EHBP1: variants seen among roughly 807,000 people sequenced by gnomAD.
EHBP1 encodes the protein EH domain binding protein 1.
EHBP1 carries 55 observed loss-of-function variants against 144.0 expected under a neutral mutation model. The observed-to-expected ratio is 0.38, with a 90% CI of 0.31 to 0.48. EHBP1 has a LOEUF of 0.48. Among genes scored for constraint, EHBP1 ranks in the 20% least tolerant of loss-of-function variants. The probability of loss-of-function intolerance (pLI) is 0.98; values close to 1 mark genes in which losing one functional copy is unlikely to be tolerated. For synonymous variants in EHBP1, 469 were observed against 472.7 expected (o/e 0.99, Z 0.10); for missense variants, 1,200 against 1,364.2 (o/e 0.88, Z 1.90).
At position 62,948,235 on chromosome 2, in the gene EHBP1, T is replaced by C. The variant is rs758228576; in HGVS notation, c.1414-25T>C. On this transcript the variant is annotated intron_variant, in intron 12 of 22. Coordinates refer to ENST00000431489, the MANE Select transcript of EHBP1 (RefSeq NM_001142616.3). ...TGAATTATATGAACTGTTCAATATA[T>C]CTTTTGTTTTTCCTTCCTTTGAAGG... 7 of 1,517,694 alleles carry C rather than the reference T, an allele frequency of 4.6e-6. No homozygotes were observed. The African/African-American group carries it at 8.4e-5, about 18-fold the overall frequency. The allele number at this position is 1,517,694 out of a possible 1,614,324, so 94.0% of individuals were successfully genotyped here. A position where few individuals can be genotyped will look rare whatever the true frequency, so the allele number is the denominator to read the frequency against.
At chr2:62,850,126 T>C (rs887547301) in intron 7 of EHBP1, among the ~76,000 whole-genome samples, 2 of 152,116 alleles carry the variant, frequency 1.3e-5, no homozygotes, top group Non-Finnish European at 2.9e-5. Flanking sequence ...CAATCACATA[T>C]TTATGGGTTT....
At chr2:62,743,062 G>A (rs993463705) in intron 2 of EHBP1, among the ~76,000 whole-genome samples, 1 of 151,864 alleles carries the variant, frequency 6.6e-6, no homozygotes, top group African/African-American at 2.4e-5. Context: ...AGCATTTTGA[G>A]GTATTTCCTC....
At chr2:62,836,332 A>T (rs2047250968) in intron 7 of EHBP1, among the ~76,000 whole-genome samples, 1 of 147,356 alleles carries the variant, frequency 6.8e-6, no homozygotes, top group African/African-American at 2.5e-5. Context: ...CACACCGAAA[A>T]CCCATCTGTA....
At chr2:62,899,906 C>T (rs925448242) in intron 10 of EHBP1, among the ~76,000 whole-genome samples, 2 of 152,268 alleles carry the variant, frequency 1.3e-5, no homozygotes, top group African/African-American at 2.4e-5. Flanking sequence ...TGTACAGAAT[C>T]GTGAAGTAGA....
chr2:62,974,961 G>A (rs565802932), intron 14 of EHBP1, among the ~76,000 whole-genome samples: 10 of 152,304 alleles, frequency 6.6e-5, no homozygotes, highest in African/African-American at 2.2e-4. Flanking sequence ...TACAAATTCT[G>A]TAGGTCAGGA....
intron 10 of EHBP1, among the ~76,000 whole-genome samples, chr2:62,936,908 T>C (rs983336681): frequency 6.6e-6 from 1 of 152,184 alleles, no homozygotes; most frequent in Non-Finnish European, 1.5e-5. Context: ...TTGCAATAAC[T>C]GGGGAAAGTC....
At chr2:62,825,103 T>A (rs2046251161) in intron 5 of EHBP1, among the ~76,000 whole-genome samples, 1 of 152,050 alleles carries the variant, frequency 6.6e-6, no homozygotes, top group African/African-American at 2.4e-5. Flanking sequence ...CCCATATCAG[T>A]AAACTACAAG....
intron 10 of EHBP1, among the ~76,000 whole-genome samples, chr2:62,884,901 A>G (rs774775531): frequency 6.6e-6 from 1 of 152,378 alleles, no homozygotes; most frequent in East Asian, 1.9e-4. Flanking sequence ...TGTGTTTTAC[A>G]TCAAAACATT....
intron 14 of EHBP1, among the ~76,000 whole-genome samples, chr2:62,976,831 T>A (rs1170255230): frequency 1.3e-5 from 2 of 152,028 alleles, no homozygotes; most frequent in Admixed American, 6.6e-5. Flanking sequence ...AGCACAGACT[T>A]TCTCTCCCTC....
Position 62,764,364 on chromosome 2 carries a change from A to G in EHBP1, c.258+3A>G, listed in dbSNP as rs749319947. 6.4e-7 allele frequency: 1 copy of G among 1,565,616 alleles called. No homozygotes were observed. The highest frequency in any genetic ancestry group is 1.2e-5 in the South Asian group (1 of 82,498). On this transcript the variant is annotated splice_donor_region_variant and intron_variant, in intron 4 of 22. Coordinates refer to ENST00000431489, the MANE Select transcript of EHBP1 (RefSeq NM_001142616.3). ...AAATCACTGTAACACTTTTTAAGGT[A>G]AGTTCCATTTTTATAGGCTATAGAA...
At chr2:62,728,018 G>T (rs1199853003) in intron 2 of EHBP1, among the ~76,000 whole-genome samples, 1 of 152,162 alleles carries the variant, frequency 6.6e-6, no homozygotes, top group African/African-American at 2.4e-5. Flanking sequence ...TGAAGGGTAG[G>T]GTATGAGGGT....
At chr2:62,768,394 G>T (rs2041366762) in intron 4 of EHBP1, among the ~76,000 whole-genome samples, 1 of 152,130 alleles carries the variant, frequency 6.6e-6, no homozygotes, top group Non-Finnish European at 1.5e-5. Context: ...ACACCTCTTT[G>T]CACACAAACT....
intron 14 of EHBP1, among the ~76,000 whole-genome samples, chr2:62,968,606 C>T (rs1238875634): frequency 1.3e-5 from 2 of 152,106 alleles, no homozygotes; most frequent in Admixed American, 6.6e-5. Context: ...GACAGTTTTG[C>T]AGAACACTTT....
At chr2:62,827,980 A>G (rs1213079294) in intron 6 of EHBP1, among the ~76,000 whole-genome samples, 1 of 152,124 alleles carries the variant, frequency 6.6e-6, no homozygotes, top group African/African-American at 2.4e-5. Context: ...GCAAGTTAAT[A>G]TTTTAAGAAT....
chr2:62,760,749 A>T (rs1160850238), intron 3 of EHBP1, among the ~76,000 whole-genome samples: 1 of 152,186 alleles, frequency 6.6e-6, no homozygotes, highest in African/African-American at 2.4e-5. Flanking sequence ...GCAGGGCATG[A>T]TATGGGTTTG....
chr2:62,821,447 G>A (rs956462314), intron 5 of EHBP1, among the ~76,000 whole-genome samples: 2 of 152,136 alleles, frequency 1.3e-5, no homozygotes, highest in African/African-American at 2.4e-5. Flanking sequence ...CTAGCACTTT[G>A]GGAGGTTGAG....
At chr2:62,947,769 T>C (rs1302494236) in intron 12 of EHBP1, among the ~76,000 whole-genome samples, 4 of 152,210 alleles carry the variant, frequency 2.6e-5, no homozygotes, top group Non-Finnish European at 4.4e-5. Context: ...TGAAAATCAG[T>C]CTTAATTGAG....
intron 14 of EHBP1, among the ~76,000 whole-genome samples, chr2:62,971,703 G>C (rs2058503814): frequency 6.6e-6 from 1 of 152,208 alleles, no homozygotes; most frequent in Non-Finnish European, 1.5e-5. Flanking sequence ...CTATCTCAGA[G>C]TTGTAAGGAG....
chr2:63,012,029 T>C (rs184672008), intron 19 of EHBP1, among the ~76,000 whole-genome samples: 12 of 152,026 alleles, frequency 7.9e-5, no homozygotes, highest in African/African-American at 2.9e-4. Flanking sequence ...ACATAGTAGG[T>C]CTGTAGTTTT....
Sources: gnomAD v4.1 joint callset for allele counts (sites outside exome capture counted in the v4.1 genomes callset) on GRCh38, gnomAD v4.1.1 for gene constraint, MANE v1.5 for transcripts, NCBI Gene and HGNC (gene_info 2026-07-23, HGNC 2026-07-21) for gene names.